The following SLC5A10 variants were observed in gnomAD, a reference collection of about 807,000 sequenced individuals.
SLC5A10 encodes the protein solute carrier family 5 member 10.
In SLC5A10, 55 loss-of-function variants were observed where a neutral mutation model predicts 68.9. The ratio of observed to expected loss-of-function variants is 0.80; its 90% CI spans 0.64 to 1.00. The LOEUF (loss-of-function observed/expected upper bound fraction) is 1.00, where lower values mean the gene tolerates loss of function less well. Among genes scored for constraint, SLC5A10 ranks in the 50% least tolerant of loss-of-function variants. The pLI is 0.00. For synonymous variants in SLC5A10, 344 were observed against 344.8 expected, an observed-to-expected ratio of 1.00 and a Z score of 0.02; for missense variants, 732 against 819.3, an observed-to-expected ratio of 0.89 and a Z score of 1.30.
intron 8 of SLC5A10, chr17:18,976,443 C>T (rs563637911): frequency 5.5e-5 from 9 of 164,022 alleles, no homozygotes; most frequent in East Asian, 5.2e-4. Flanking sequence ...ACACAGTTGG[C>T]GCCAGTGTCT....
chr17:18,956,465 G>GTTTTTTTTTTTTTTTTTTTTTTTCTTT (rs750867503), intron 1 of SLC5A10, among the ~76,000 whole-genome samples: 1 of 98,012 alleles, frequency 1.0e-5, no homozygotes, highest in African/African-American at 3.8e-5. Flanking sequence ...TTTTCTTTCT[G>GTTTTTTTTTTTTTTTTTTTTTTTCTTT]TTTTTTTTTT....
intron 1 of SLC5A10, among the ~76,000 whole-genome samples, chr17:18,954,963 G>A (rs552121952): frequency 9.2e-5 from 14 of 152,032 alleles, no homozygotes; most frequent in African/African-American, 3.4e-4. Flanking sequence ...CCAGGCGCCT[G>A]TAATCCCAGC....
intron 9 of SLC5A10, among the ~76,000 whole-genome samples, chr17:18,992,592 C>T (rs968252998): frequency 6.6e-6 from 1 of 152,232 alleles, no homozygotes; most frequent in Admixed American, 6.5e-5. Context: ...TCTCCCTCAG[C>T]CCCAGCCAGA....
rs201303050 is a variant in SLC5A10, at chr17:18,988,393, T to C, written c.982+11404T>C. The stretch of plus-strand genomic sequence containing the variant: ...TTGAAGATGTCCACGTCGGTGAACA[T>C]GTCCATGACCACAGCTATCACCTGG... On this transcript the variant is annotated intron_variant, in intron 9 of 14. Transcript: ENST00000395645. The C allele has an allele frequency of 1.9e-4, 310 of 1,614,174 alleles. No individual in the cohort carries two copies. Among genetic ancestry groups the C allele is most frequent in the Admixed American group, 5.5e-4 (33 of 60,026 alleles).
intron 9 of SLC5A10, among the ~76,000 whole-genome samples, chr17:19,006,452 T>G (rs1324364584): frequency 3.3e-5 from 5 of 150,880 alleles, no homozygotes; most frequent in Non-Finnish European, 7.4e-5. Context: ...TTGCTCAGAC[T>G]GGTCTCAAAC....
At chr17:19,001,775 AGCCC>A (rs1459782498) in intron 9 of SLC5A10, among the ~76,000 whole-genome samples, 3 of 152,024 alleles carry the variant, frequency 2.0e-5, no homozygotes, top group Non-Finnish European at 4.4e-5. Flanking sequence ...TGGCCCTGGG[AGCCC>A]CTATCTGGCC....
Position 18,971,504 on chromosome 17 carries a change from G to A in SLC5A10, c.846+286G>A. 1 of 1,614,046 alleles carries A rather than the reference G, an allele frequency of 6.2e-7. No individual in the cohort carries two copies. The highest frequency in any genetic ancestry group is 8.5e-7 in the Non-Finnish European group (1 of 1,180,024). On this transcript the variant is annotated intron_variant, in intron 8 of 14. Transcript: ENST00000395645. This position sits in a 1 kb window ranked among gnomAD's most constrained non-coding sequence, Gnocchi z 5.5. ...TCCGAAGGGACTCGGATGCTCCTCG[G>A]TGGCCCTGCCATCGGTCATGGGGCG...
chr17:19,016,051 C>CT (rs796258265), intron 11 of SLC5A10, among the ~76,000 whole-genome samples: 1,609 of 143,828 alleles, frequency 0.011, 19 homozygotes, highest in African/African-American at 0.028. Context: ...TTGTATCATT[C>CT]TTTTTTTTTT....
At chr17:18,960,426 C>T in intron 4 of SLC5A10, 122 bp from the exon 5 acceptor site, 2 of 879,834 alleles carry the variant, frequency 2.3e-6, no homozygotes, top group Non-Finnish European at 3.7e-6. Context: ...CTGGGCCTTG[C>T]CCTTGAGAGG....
chr17:18,959,373 C>A (rs763780929), intron 3 of SLC5A10, 134 bp downstream of exon 3: 142 of 981,558 alleles, frequency 1.4e-4, no homozygotes, highest in Non-Finnish European at 1.9e-4. Flanking sequence ...TGTTCCTGGG[C>A]CAAATCGTGT....
chr17:19,021,527 T>G lies in SLC5A10; in HGVS notation c.*1096T>G. The G allele has an allele frequency of 6.7e-6, 2 of 296,606 alleles. No homozygotes were observed. The highest frequency in any genetic ancestry group is 5.4e-5 in the East Asian group (1 of 18,628). The allele number at this position is 296,606 out of a possible 1,614,324, so 18.4% of individuals were successfully genotyped here. The stretch of plus-strand genomic sequence containing the variant: ...CAGCCTGAACAACTCCAGGGGCCTT[T>G]TGAGGGAGGGGCAGGCAGGCCCAGT... On this transcript the variant is annotated 3_prime_UTR_variant, in exon 15 of 15. Coordinates refer to ENST00000395645, the MANE Select transcript of SLC5A10 (RefSeq NM_001042450.4). The surrounding 1 kb of genome is among the most constrained non-coding windows in gnomAD (Gnocchi z 4.1).
intron 10 of SLC5A10, among the ~76,000 whole-genome samples, chr17:19,014,459 C>G (rs1206182931): frequency 6.6e-6 from 1 of 152,176 alleles, no homozygotes; most frequent in Non-Finnish European, 1.5e-5. Flanking sequence ...CCTGCTGGGT[C>G]CTGCCATGCA....
chr17:18,978,955 C>T, intron 9 of SLC5A10: 1 of 1,327,418 alleles, frequency 7.5e-7, no homozygotes, highest in Non-Finnish European at 1.0e-6. Flanking sequence ...CCACAGGGCC[C>T]TGGGATCAAG....
Position 18,979,397 on chromosome 17 carries a change from C to T in SLC5A10, c.982+2408C>T, listed in dbSNP as rs141111762. The stretch of plus-strand genomic sequence containing the variant: ...GCCCTTCTCTGCCTGCCTCCAGAGA[C>T]AGACAGGCGGGCAGATGTGCTCCAG... On this transcript the variant is annotated intron_variant, in intron 9 of 14. Transcript: ENST00000395645. 2.2e-4 allele frequency: 197 copies of T among 911,828 alleles called. No individual in the cohort carries two copies. The African/African-American group carries it at 2.9e-3, about 14-fold the overall frequency. The allele number at this position is 911,828 out of a possible 1,614,324, so 56.5% of individuals were successfully genotyped here.
Position 19,003,679 on chromosome 17 carries a change from G to A in SLC5A10, c.983-9731G>A, listed in dbSNP as rs890948906. 1 of 1,610,916 alleles carries A rather than the reference G, an allele frequency of 6.2e-7. No homozygotes were observed. Among genetic ancestry groups the A allele is most frequent in the Non-Finnish European group, 8.5e-7 (1 of 1,178,912 alleles). On this transcript the variant is annotated intron_variant, in intron 9 of 14. Coordinates refer to ENST00000395645, the MANE Select transcript of SLC5A10 (RefSeq NM_001042450.4). This position sits in a 1 kb window ranked among gnomAD's most constrained non-coding sequence, Gnocchi z 4.5. ...GCGGGATGGAGCGGTCCGACTTCTG[G>A]GGCCAGTACTCCAGGGAGGGCAGCG... is the stretch of plus-strand genomic sequence containing the variant.
At position 19,021,814 on chromosome 17, in the gene SLC5A10, G is replaced by A. The variant is rs545470060; in HGVS notation, c.*1383G>A. The A allele has an allele frequency of 7.0e-5, 54 of 772,944 alleles. No individual in the cohort carries two copies. The highest frequency in any genetic ancestry group is 8.5e-5 in the Non-Finnish European group (47 of 553,160). The allele number at this position is 772,944 out of a possible 1,614,324, so 47.9% of individuals were successfully genotyped here. On this transcript the variant is annotated 3_prime_UTR_variant, in exon 15 of 15. Coordinates refer to ENST00000395645, the MANE Select transcript of SLC5A10 (RefSeq NM_001042450.4). This position sits in a 1 kb window ranked among gnomAD's most constrained non-coding sequence, Gnocchi z 4.1. ...TGGGCCATCCCAGTTTGTGCAGAGC[G>A]GCCGGAGGCAGTTAGGAGCCCACGT...
At chr17:19,012,222 AC>A (rs2044029835) in intron 9 of SLC5A10, among the ~76,000 whole-genome samples, 1 of 152,232 alleles carries the variant, frequency 6.6e-6, no homozygotes, top group Admixed American at 6.5e-5. Flanking sequence ...CAGCCCCACG[AC>A]TGCTAACACC....
chr17:19,012,596 C>T (rs557616390), intron 9 of SLC5A10, among the ~76,000 whole-genome samples: 2 of 152,264 alleles, frequency 1.3e-5, no homozygotes, highest in Admixed American at 1.3e-4. Context: ...AAGGACAGAC[C>T]GGAATTCGGG....
chr17:19,006,330 C>G (rs924254424), intron 9 of SLC5A10, among the ~76,000 whole-genome samples: 1 of 152,024 alleles, frequency 6.6e-6, no homozygotes, highest in Non-Finnish European at 1.5e-5. Flanking sequence ...CTCCTGGGCT[C>G]AAGCCTCAGC....
Sources: allele counts gnomAD v4.1 joint callset (sites outside exome capture counted in the v4.1 genomes callset), GRCh38; gene constraint gnomAD v4.1.1; non-coding constraint Gnocchi (gnomAD v3.1); transcripts MANE v1.5; gene names NCBI Gene and HGNC (gene_info 2026-07-23, HGNC 2026-07-21).